The following PTGER3 variants were observed in gnomAD, a reference collection of about 807,000 sequenced individuals.
The protein encoded by PTGER3 is prostaglandin E2 receptor EP3 subtype.
A neutral mutation model predicts 34.7 loss-of-function variants in PTGER3; 22 were observed. The ratio of observed to expected loss-of-function variants is 0.63; its 90% CI spans 0.45 to 0.91. The LOEUF (loss-of-function observed/expected upper bound fraction) is 0.91. PTGER3 is among the 40% of genes least tolerant of loss of function. The pLI is 0.00. For synonymous variants in PTGER3, 241 were observed against 230.1 expected, an observed-to-expected ratio of 1.05 and a Z score of -0.43; for missense variants, 468 against 519.4, an observed-to-expected ratio of 0.90 and a Z score of 0.96.
chr1:70,966,534 A>G (rs1350918929), downstream of PTGER3, among the ~76,000 whole-genome samples: 2 of 152,138 alleles, frequency 1.3e-5, no homozygotes, highest in Non-Finnish European at 2.9e-5. Context: ...GGTTTGTTAC[A>G]TAAGTGTACA....
downstream of PTGER3, among the ~76,000 whole-genome samples, chr1:70,949,434 C>T (rs1650531047): frequency 6.6e-6 from 1 of 152,100 alleles, no homozygotes; most frequent in Non-Finnish European, 1.5e-5. Context: ...AAGAATATTC[C>T]AGACAGAAGG....
chr1:70,901,597 A>G (rs945114643), intron 4 of PTGER3, among the ~76,000 whole-genome samples: 1 of 152,180 alleles, frequency 6.6e-6, no homozygotes, highest in Non-Finnish European at 1.5e-5. Flanking sequence ...GATTATTGTG[A>G]AGAGCAAAGG....
intron 4 of PTGER3, among the ~76,000 whole-genome samples, chr1:70,877,501 GT>G (rs1252638842): frequency 6.6e-5 from 10 of 152,110 alleles, no homozygotes; most frequent in African/African-American, 2.2e-4. Flanking sequence ...TTAAATAGGG[GT>G]GGTGAGAGTA....
intron 1 of PTGER3, among the ~76,000 whole-genome samples, chr1:71,014,952 C>T (rs74087166): frequency 0.013 from 2,049 of 152,286 alleles, 57 homozygotes; most frequent in African/African-American, 0.046. Context: ...CTCTGGTATT[C>T]AAAGCCCTCT....
chr1:70,919,947 T>C (rs1420891741), intron 4 of PTGER3, among the ~76,000 whole-genome samples: 1 of 152,156 alleles, frequency 6.6e-6, no homozygotes, highest in African/African-American at 2.4e-5. Context: ...TGAGTTCCGC[T>C]AGCCTAAGGT....
intron 4 of PTGER3, among the ~76,000 whole-genome samples, chr1:70,899,107 C>G (rs17131487): frequency 0.13 from 20,425 of 152,078 alleles, 2,822 homozygotes; most frequent in East Asian, 0.43. Context: ...TAATATATGC[C>G]AAAATGCTCC....
chr1:71,010,295 C>A, intron 2 of PTGER3: 1 of 984,360 alleles, frequency 1.0e-6, no homozygotes, highest in Non-Finnish European at 1.2e-6. Flanking sequence ...ATTCATATTT[C>A]TGTAATTAAA....
At position 71,012,452 on chromosome 1, in the gene PTGER3, T is replaced by A; in HGVS notation, c.930A>T (p.Thr310=). The A allele has an allele frequency of 6.2e-7, 1 of 1,613,700 alleles. No individual in the cohort carries two copies. The highest frequency in any genetic ancestry group is 8.5e-7 in the Non-Finnish European group (1 of 1,179,832). The change falls in exon 2 of 4, where the codon ACA becomes ACT. Residue 310 remains threonine, a synonymous_variant. Coordinates refer to ENST00000306666, the MANE Select transcript of PTGER3 (RefSeq NM_198719.2). ...TGTGTGTCTTGCAGTGCTCAACTGATGTCTGATTGAAGATCATTTTCAACA... is the reference window on the plus strand; with the variant it reads ...TGTGTGTCTTGCAGTGCTCAACTGAAGTCTGATTGAAGATCATTTTCAACA... ...IMMLKMIFNQ[T]SVEHCKTHTE...
chr1:70,946,617 G>A (rs140145573), intron 4 of PTGER3, among the ~76,000 whole-genome samples: 3 of 152,232 alleles, frequency 2.0e-5, no homozygotes, highest in Non-Finnish European at 4.4e-5. Flanking sequence ...TAGTTAGTCC[G>A]TTGCTGTAAA....
intron 4 of PTGER3, among the ~76,000 whole-genome samples, chr1:70,856,129 T>G (rs1197127519): frequency 1.3e-5 from 2 of 152,112 alleles, no homozygotes; most frequent in Non-Finnish European, 2.9e-5. Context: ...CTTGTAGACT[T>G]CCAAGGTGTC....
At chr1:71,033,743 C>T (rs554166321) in intron 1 of PTGER3, among the ~76,000 whole-genome samples, 1 of 151,932 alleles carries the variant, frequency 6.6e-6, no homozygotes, top group Admixed American at 6.6e-5. Flanking sequence ...TCCAGGAAAT[C>T]GTCTTAAAGA....
At chr1:70,862,253 T>TAA (rs35755252) in intron 4 of PTGER3, 881 of 946,426 alleles carry the variant, frequency 9.3e-4, no homozygotes, top group African/African-American at 1.4e-3. Context: ...ACATACTAAG[T>TAA]AAAAAAAAAT....
At chr1:70,945,684 G>C (rs1650163604) in intron 4 of PTGER3, among the ~76,000 whole-genome samples, 1 of 152,028 alleles carries the variant, frequency 6.6e-6, no homozygotes, top group Admixed American at 6.6e-5. Context: ...ACAGAGAAAA[G>C]CTGTTTTTAT....
At chr1:70,889,480 TTAA>T (rs1312079569) in intron 4 of PTGER3, among the ~76,000 whole-genome samples, 1 of 152,020 alleles carries the variant, frequency 6.6e-6, no homozygotes, top group African/African-American at 2.4e-5. Context: ...TTATTTTATG[TTAA>T]TGATAAATAT....
intron 4 of PTGER3, among the ~76,000 whole-genome samples, chr1:70,941,477 C>T (rs1649756087): frequency 6.6e-6 from 1 of 152,084 alleles, no homozygotes; most frequent in African/African-American, 2.4e-5. Flanking sequence ...TTATAATAAC[C>T]ATGAAATGTA....
chr1:70,963,071 A>T (rs2100639481), intron 2 of PTGER3, among the ~76,000 whole-genome samples: 1 of 152,336 alleles, frequency 6.6e-6, no homozygotes, highest in Non-Finnish European at 1.5e-5. Flanking sequence ...CCCAATTATG[A>T]ATTTCAGTGA....
At chr1:70,992,598 A>T (rs1655576983) in intron 2 of PTGER3, among the ~76,000 whole-genome samples, 3 of 152,110 alleles carry the variant, frequency 2.0e-5, no homozygotes, top group African/African-American at 7.2e-5. Context: ...TTGTGTAGAC[A>T]CACCTAGCAG....
At chr1:70,882,661 T>C (rs1026168720) in intron 4 of PTGER3, among the ~76,000 whole-genome samples, 1 of 152,196 alleles carries the variant, frequency 6.6e-6, no homozygotes, top group Non-Finnish European at 1.5e-5. Context: ...CAGTTTATTA[T>C]CACAGATGGG....
chr1:70,857,378 T>A (rs1452188455), intron 4 of PTGER3, among the ~76,000 whole-genome samples: 1 of 152,162 alleles, frequency 6.6e-6, no homozygotes, highest in Non-Finnish European at 1.5e-5. Flanking sequence ...TCATTATGAT[T>A]TCTGATGAGA....
Sources: allele counts gnomAD v4.1 joint callset (sites outside exome capture counted in the v4.1 genomes callset), GRCh38; gene constraint gnomAD v4.1.1; transcripts MANE v1.5; gene names NCBI Gene and HGNC (gene_info 2026-07-23, HGNC 2026-07-21).